RIPOR3: variants seen among roughly 807,000 people sequenced by gnomAD.
The protein encoded by RIPOR3 is RIPOR family member 3.
A neutral mutation model predicts 114.3 loss-of-function variants in RIPOR3; 95 were observed. The observed-to-expected ratio is 0.83, with a 90% CI of 0.70 to 0.99. The LOEUF (loss-of-function observed/expected upper bound fraction) is 0.99, where lower values mean the gene tolerates loss of function less well. Among genes scored for constraint, RIPOR3 ranks in the 50% least tolerant of loss-of-function variants. RIPOR3 has a pLI of 0.00. For synonymous variants in RIPOR3, 575 were observed against 543.8 expected (o/e 1.06, Z -0.80); for missense variants, 1,252 against 1,266.9 (o/e 0.99, Z 0.18).
At chr20:50,673,674 G>A (rs2086597238) in intron 1 of RIPOR3, among the ~76,000 whole-genome samples, 1 of 152,066 alleles carries the variant, frequency 6.6e-6, no homozygotes, top group African/African-American at 2.4e-5. Context: ...AATGTAAACG[G>A]CCATTCATCA....
intron 2 of RIPOR3, among the ~76,000 whole-genome samples, chr20:50,624,280 C>T (rs1014505144): frequency 1.3e-5 from 2 of 152,196 alleles, no homozygotes; most frequent in African/African-American, 4.8e-5. Context: ...CTGGCAGAGA[C>T]GGTCAGGGCT....
At chr20:50,644,056 G>C (rs1336783498) in intron 1 of RIPOR3, among the ~76,000 whole-genome samples, 1 of 151,680 alleles carries the variant, frequency 6.6e-6, no homozygotes, top group Non-Finnish European at 1.5e-5. Context: ...GGAGTTCAAG[G>C]CTGCAGTGAG....
chr20:50,666,212 C>CTTTT (rs199561324), intron 1 of RIPOR3, among the ~76,000 whole-genome samples: 1 of 108,414 alleles, frequency 9.2e-6, no homozygotes, highest in African/African-American at 4.5e-5. Context: ...CTTTTCTTTT[C>CTTTT]TTTTCTTTTC....
intron 1 of RIPOR3, among the ~76,000 whole-genome samples, chr20:50,647,628 G>T (rs1003434110): frequency 2.0e-5 from 3 of 151,428 alleles, no homozygotes; most frequent in Non-Finnish European, 4.4e-5. Flanking sequence ...GACTACAGGC[G>T]CCCGCTACCA....
Position 50,588,621 on chromosome 20 carries a change from T to C in RIPOR3, c.2662-729A>G, listed in dbSNP as rs114473500. ...AACTCCATGTTTTTTTAAAGCTTTA[T>C]GCACAAACATGATCATAAGACATGA... On this transcript the variant is annotated intron_variant, in intron 20 of 21. Coordinates refer to ENST00000327979, the MANE Select transcript of RIPOR3 (RefSeq NM_001290268.2). 5.2e-3 allele frequency among the ~76,000 whole-genome samples: 797 copies of C among 152,000 alleles called. 8 individuals carry two copies. Among genetic ancestry groups the C allele is most frequent in the African/African-American group, 0.017 (725 of 41,474 alleles).
Position 50,611,196 on chromosome 20 carries a change from A to T in RIPOR3, c.357T>A (p.Tyr119Ter), listed in dbSNP as rs775274243. Residue 119 changes from tyrosine to a stop codon, truncating the protein, a stop_gained, in exon 5 of 22, where the codon TAT (tyrosine) becomes TAA (stop). Coordinates refer to ENST00000327979, the MANE Select transcript of RIPOR3 (RefSeq NM_001290268.2). LOFTEE classifies it high-confidence loss of function. ...DTRRNSRLAFYYDLDKQTRCV... is the reference protein window; with the variant it reads ...DTRRNSRLAF Reference sequence around the variant, plus strand: ...GCAGACTCACCTTGTCCAGGTCATAATAGAAAGCCTGTGAGGGAGGAAAGG... The same window carrying T: ...GCAGACTCACCTTGTCCAGGTCATATTAGAAAGCCTGTGAGGGAGGAAAGG... The T allele has an allele frequency of 6.2e-7, 1 of 1,614,158 alleles. No homozygotes were observed. The highest frequency in any genetic ancestry group is 8.5e-7 in the Non-Finnish European group (1 of 1,180,024).
chr20:50,663,370 T>G (rs1425422024), intron 1 of RIPOR3, among the ~76,000 whole-genome samples: 2 of 152,180 alleles, frequency 1.3e-5, no homozygotes, highest in South Asian at 4.1e-4. Context: ...GGCTTCACAG[T>G]GTCTGCCAGC....
intron 2 of RIPOR3, chr20:50,620,983 A>C (rs528653693): frequency 1.9e-6 from 1 of 524,688 alleles, no homozygotes; most frequent in African/African-American, 2.0e-5. Context: ...TCATCAAGGA[A>C]AGGGTGGGGA....
In RIPOR3 at chr20:50,602,066, C is replaced by A; in HGVS notation, c.1659+6G>T. ...AGGGCCACCGCCCGGGGCGGGGTGG[C>A]CATACCTTCAGCCGGTCCCGGAAGC... On this transcript the variant is annotated splice_donor_region_variant and intron_variant, in intron 13 of 21. Transcript: ENST00000327979. This position sits in a 1 kb window ranked among gnomAD's most constrained non-coding sequence, Gnocchi z 4.3. 1 of 1,532,770 alleles carries A rather than the reference C, an allele frequency of 6.5e-7. No individual in the cohort carries two copies. The allele number at this position is 1,532,770 out of a possible 1,614,324, so 94.9% of individuals were successfully genotyped here. A position where few individuals can be genotyped will look rare whatever the true frequency, so the allele number is the denominator to read the frequency against.
chr20:50,601,380 G>A (rs2083487131), intron 13 of RIPOR3, among the ~76,000 whole-genome samples: 1 of 152,222 alleles, frequency 6.6e-6, no homozygotes, highest in Non-Finnish European at 1.5e-5. Flanking sequence ...GTTGCAGTGA[G>A]CCGAGATGGC....
chr20:50,641,055 A>T (rs1418208937), intron 1 of RIPOR3, among the ~76,000 whole-genome samples: 2 of 151,714 alleles, frequency 1.3e-5, no homozygotes, highest in Admixed American at 6.6e-5. Context: ...GATTACAGGC[A>T]TGCACCACCA....
intron 4 of RIPOR3, among the ~76,000 whole-genome samples, chr20:50,615,369 T>A (rs1253981045): frequency 6.6e-6 from 1 of 151,440 alleles, no homozygotes; most frequent in Non-Finnish European, 1.5e-5. Flanking sequence ...ACAAAAAATT[T>A]AAAAAATTAG....
intron 1 of RIPOR3, among the ~76,000 whole-genome samples, chr20:50,687,255 C>T (rs1331260769): frequency 2.0e-5 from 3 of 152,212 alleles, no homozygotes; most frequent in African/African-American, 4.8e-5. Flanking sequence ...GCCCACATGC[C>T]GCTAGTGTAG....
At position 50,586,311 on chromosome 20, in the gene RIPOR3, A is replaced by T. The variant is rs2082922335; in HGVS notation, c.*921T>A. 1 of 152,392 alleles carries T rather than the reference A, an allele frequency of 6.6e-6. No homozygotes were observed. The highest frequency in any genetic ancestry group is 2.4e-5 in the African/African-American group (1 of 41,452). 9.4% of individuals were successfully genotyped at this position (152,392 alleles called of 1,614,324 possible). The stretch of plus-strand genomic sequence containing the variant: ...TTCTCTCTGCACTATTAACACAGAC[A>T]TCTCAGGACATGGTTTGCTTTTTTT... On this transcript the variant is annotated 3_prime_UTR_variant, in exon 22 of 22. Transcript: ENST00000327979.
At chr20:50,592,969 G>T in intron 18 of RIPOR3, 66 bp downstream of exon 18, 1 of 1,574,202 alleles carries the variant, frequency 6.4e-7, no homozygotes, top group South Asian at 1.1e-5. Context: ...TATAACCTGA[G>T]AAACTGCATG....
chr20:50,588,787 TAAAG>T (rs755532813), intron 20 of RIPOR3, among the ~76,000 whole-genome samples: 1 of 102,422 alleles, frequency 9.8e-6, no homozygotes. Flanking sequence ...ACACCACAAA[TAAAG>T]AATTCTAGGC....
intron 1 of RIPOR3, among the ~76,000 whole-genome samples, chr20:50,667,550 C>G (rs979179086): frequency 6.6e-6 from 1 of 152,182 alleles, no homozygotes; most frequent in Admixed American, 6.5e-5. Context: ...CCTCGGCCTC[C>G]CAAAGTGCTG....
chr20:50,589,791 T>C (rs374774516), intron 19 of RIPOR3, 22 bp from the exon 20 acceptor site: 5 of 1,607,454 alleles, frequency 3.1e-6, no homozygotes, highest in Non-Finnish European at 4.3e-6. Flanking sequence ...AAGGAGGCTG[T>C]GAATGGAGGG....
At chr20:50,601,107 C>G (rs1049286337) in intron 13 of RIPOR3, among the ~76,000 whole-genome samples, 1 of 152,170 alleles carries the variant, frequency 6.6e-6, no homozygotes, top group Non-Finnish European at 1.5e-5. Flanking sequence ...AAGGGATGGG[C>G]CTGCCGGGGC....
Sources: gnomAD v4.1 joint callset for allele counts (sites outside exome capture counted in the v4.1 genomes callset) on GRCh38, gnomAD v4.1.1 for gene constraint, Gnocchi (gnomAD v3.1) non-coding constraint, MANE v1.5 for transcripts, NCBI Gene and HGNC (gene_info 2026-07-23, HGNC 2026-07-21) for gene names.